Variants in AGL observed in about 807,000 individuals in gnomAD.
AGL encodes the protein glycogen debranching enzyme.
Under a neutral mutation model 199.3 loss-of-function variants are expected in AGL, and 128 were observed. The observed-to-expected ratio is 0.64, with a 90% CI of 0.56 to 0.74. The LOEUF is 0.74. Among genes scored for constraint, AGL ranks in the 30% least tolerant of loss-of-function variants. The pLI, the probability that AGL is intolerant of heterozygous loss-of-function variation, is 0.00. For synonymous variants in AGL, 584 were observed against 594.7 expected, an observed-to-expected ratio of 0.98 and a Z score of 0.26; for missense variants, 1,809 against 1,820.8, an observed-to-expected ratio of 0.99 and a Z score of 0.12.
At chr1:99,902,933 C>A in intron 27 of AGL, 139 bp downstream of exon 27, 1 of 669,554 alleles carries the variant, frequency 1.5e-6, no homozygotes. Context: ...CTGATCTCAC[C>A]AAGTTTTTAG....
intron 5 of AGL, among the ~76,000 whole-genome samples, chr1:99,865,877 A>G (rs1650461708): frequency 6.6e-6 from 1 of 152,198 alleles, no homozygotes; most frequent in Non-Finnish European, 1.5e-5. Context: ...GTACATTCTA[A>G]AATTTGGTGT....
In AGL at chr1:99,913,541, G is replaced by C. The variant is rs780376123; in HGVS notation, c.3964G>C (p.Val1322Leu). ...TVKRHGKAIK[V>L]SYDEWNRKIQ... is the part of the protein sequence containing the mutation. ...TCATTTTTCAGGAAAGGCTATAAAG[G>C]TCTCATATGATGAGTGGAACAGAAA... is the stretch of plus-strand genomic sequence containing the variant. The change falls in exon 30 of 34, where the codon GTC (valine) becomes CTC (leucine). Residue 1322 changes from valine to leucine, a missense_variant. Transcript: ENST00000361915. 1 of 1,613,218 alleles carries C rather than the reference G, an allele frequency of 6.2e-7. No homozygotes were observed. Among genetic ancestry groups the C allele is most frequent in the Admixed American group, 1.7e-5 (1 of 59,918 alleles).
intron 3 of AGL, 51 bp downstream of exon 3, chr1:99,861,764 T>G: frequency 6.3e-7 from 1 of 1,588,814 alleles, no homozygotes; most frequent in Non-Finnish European, 8.6e-7. Context: ...GTTCTGTAAT[T>G]TGAAGTCACC....
At chr1:99,896,561 G>A (rs1653341307) in intron 25 of AGL, among the ~76,000 whole-genome samples, 173 bp downstream of exon 25, 2 of 152,096 alleles carry the variant, frequency 1.3e-5, no homozygotes, top group African/African-American at 4.8e-5. Flanking sequence ...AAATTTCAAA[G>A]GGGTGAAAAT....
In AGL at chr1:99,872,295, G is replaced by A. The variant is rs187504432; in HGVS notation, c.958+1426G>A. Among the ~76,000 whole-genome samples the A allele has an allele frequency of 6.6e-5, 10 of 152,198 alleles. No individual in the cohort carries two copies. In the East Asian group the frequency reaches 1.7e-3, roughly 26 times the overall value. On this transcript the variant is annotated intron_variant, in intron 7 of 33. Coordinates refer to ENST00000361915, the MANE Select transcript of AGL (RefSeq NM_000642.3). ...CCTGGATAAACTTCCAGTCTCATAA[G>A]CTGTACTGCAGAAAATACATCCCCG...
intron 27 of AGL, 82 bp from the exon 28 acceptor site, chr1:99,910,630 A>T (rs1034292138): frequency 1.8e-5 from 13 of 730,882 alleles, no homozygotes; most frequent in South Asian, 7.7e-5. Flanking sequence ...TATATTTAAA[A>T]TTTTGTAAAT....
At chr1:99,900,497 A>G (rs1042100488) in intron 25 of AGL, 139 bp from the exon 26 acceptor site, 17 of 775,894 alleles carry the variant, frequency 2.2e-5, no homozygotes, top group African/African-American at 2.1e-4. Flanking sequence ...TACTATGACT[A>G]CTTTCTACAT....
chr1:99,875,427 G>A lies in AGL; in HGVS notation c.1255G>A (p.Val419Ile), dbSNP rs1236981513. The change falls in exon 10 of 34, where the codon GTC (valine) becomes ATC (isoleucine). Residue 419 changes from valine (V) to isoleucine (I), a missense_variant. Coordinates refer to ENST00000361915, the MANE Select transcript of AGL (RefSeq NM_000642.3). ...LAGHGPKLGP[V>I]TRKHPLVTRY... ...TGGCCATGGTCCAAAACTAGGACCT[G>A]TCACTAGAAAGCATCCTTTAGTTAC... 2 of 1,613,952 alleles carry A rather than the reference G, an allele frequency of 1.2e-6. No homozygotes were observed. The highest frequency in any genetic ancestry group is 1.3e-5 in the African/African-American group (1 of 74,916).
chr1:99,912,372 C>CT, intron 28 of AGL, 33 bp from the exon 29 acceptor site: 1 of 1,568,344 alleles, frequency 6.4e-7, no homozygotes, highest in Non-Finnish European at 8.8e-7. Context: ...AGGACGCCAA[C>CT]TTAAAGAATA....
chr1:99,887,678 T>G (rs1461086292), intron 20 of AGL, among the ~76,000 whole-genome samples: 1 of 152,066 alleles, frequency 6.6e-6, no homozygotes, highest in Non-Finnish European at 1.5e-5. Flanking sequence ...AAAAACAGAT[T>G]TATAAGATAA....
chr1:99,877,151 A>G (rs1461913935), intron 11 of AGL, among the ~76,000 whole-genome samples: 1 of 152,006 alleles, frequency 6.6e-6, no homozygotes, highest in African/African-American at 2.4e-5. Context: ...GTGACATTAA[A>G]ATTTATTCAG....
intron 31 of AGL, among the ~76,000 whole-genome samples, chr1:99,916,099 T>G (rs1392669593): frequency 6.6e-6 from 1 of 152,160 alleles, no homozygotes; most frequent in East Asian, 1.9e-4. Flanking sequence ...ATTAGAGGCC[T>G]AGGAAATAGT....
chr1:99,919,844 C>T (rs1017907830), intron 33 of AGL, among the ~76,000 whole-genome samples: 6 of 152,220 alleles, frequency 3.9e-5, no homozygotes, highest in Admixed American at 1.3e-4. Flanking sequence ...CCTCCTGGCA[C>T]CACTTGGATT....
chr1:99,880,888 A>C, intron 14 of AGL, 93 bp downstream of exon 14: 3 of 1,444,698 alleles, frequency 2.1e-6, no homozygotes, highest in Non-Finnish European at 2.9e-6. Flanking sequence ...CATATACTTC[A>C]AAATAGTGTC....
chr1:99,885,018 C>T (rs962964106), intron 20 of AGL, among the ~76,000 whole-genome samples: 1 of 152,098 alleles, frequency 6.6e-6, no homozygotes, highest in Non-Finnish European at 1.5e-5. Context: ...TACCTCATAC[C>T]CTTTACCACA....
At chr1:99,900,106 T>C (rs1420239954) in intron 25 of AGL, among the ~76,000 whole-genome samples, 1 of 151,902 alleles carries the variant, frequency 6.6e-6, no homozygotes, top group Non-Finnish European at 1.5e-5. Context: ...ATTTTTGTAT[T>C]TTTAGTAGAG....
At chr1:99,852,464 G>A in intron 2 of AGL, 2 of 591,548 alleles carry the variant, frequency 3.4e-6, no homozygotes, top group Non-Finnish European at 3.0e-6. Flanking sequence ...CAACTTCCTG[G>A]GCTCAAGCAG....
chr1:99,868,672 C>G (rs1650737622), intron 5 of AGL, among the ~76,000 whole-genome samples: 1 of 152,034 alleles, frequency 6.6e-6, no homozygotes, highest in African/African-American at 2.4e-5. Context: ...GTCCTGACTA[C>G]TTGGGAGGCT....
At chr1:99,904,026 C>T (rs902041335) in intron 27 of AGL, among the ~76,000 whole-genome samples, 22 of 152,200 alleles carry the variant, frequency 1.4e-4, no homozygotes, top group African/African-American at 5.1e-4. Context: ...GTAGCTTGCC[C>T]AGAGTCACAT....
Sources: gnomAD v4.1 joint callset for allele counts (sites outside exome capture counted in the v4.1 genomes callset) on GRCh38, gnomAD v4.1.1 for gene constraint, MANE v1.5 for transcripts, NCBI Gene and HGNC (gene_info 2026-07-23, HGNC 2026-07-21) for gene names.